ARIH1: variants seen among roughly 807,000 people sequenced by gnomAD.
ARIH1 encodes the protein E3 ubiquitin-protein ligase ARIH1.
A neutral mutation model predicts 85.0 loss-of-function variants in ARIH1; 8 were observed. The ratio of observed to expected loss-of-function variants is 0.09; its 90% CI spans 0.06 to 0.17. The LOEUF (loss-of-function observed/expected upper bound fraction) is 0.17. Ranked by LOEUF, ARIH1 falls within the 10% of genes least tolerant of loss-of-function variation. ARIH1 has a pLI of 1.00. For missense variants in ARIH1, 311 were observed against 718.1 expected, an observed-to-expected ratio of 0.43 and a Z score of 6.48; for synonymous variants, 238 against 253.6, an observed-to-expected ratio of 0.94 and a Z score of 0.59.
chr15:72,489,366 A>G (rs1175013164), intron 1 of ARIH1, among the ~76,000 whole-genome samples: 1 of 152,104 alleles, frequency 6.6e-6, no homozygotes, highest in African/African-American at 2.4e-5. Flanking sequence ...GCCTCTTAAA[A>G]TGTTCTGGCA....
intron 11 of ARIH1, among the ~76,000 whole-genome samples, chr15:72,578,832 T>TTTC (rs1555489920): frequency 6.0e-5 from 9 of 150,948 alleles, no homozygotes; most frequent in Middle Eastern, 3.4e-3. Flanking sequence ...TTTTTTTTTT[T>TTTC]CAGAGGTAGA....
chr15:72,577,080 T>A (rs1309920651), intron 11 of ARIH1, among the ~76,000 whole-genome samples: 1 of 151,996 alleles, frequency 6.6e-6, no homozygotes, highest in Non-Finnish European at 1.5e-5. Flanking sequence ...CCTCCCGAAT[T>A]CAAGCGATTC....
chr15:72,487,066 C>CTAT (rs752734642), intron 1 of ARIH1, among the ~76,000 whole-genome samples: 7 of 151,580 alleles, frequency 4.6e-5, no homozygotes, highest in African/African-American at 1.5e-4. Flanking sequence ...GAATTTTCTC[C>CTAT]TATTATTATT....
chr15:72,480,320 G>A (rs1372825390), intron 1 of ARIH1, among the ~76,000 whole-genome samples: 1 of 150,276 alleles, frequency 6.7e-6, no homozygotes, highest in African/African-American at 2.5e-5. Context: ...GGAGTGCAGT[G>A]GCCTGATCTT....
In ARIH1 at chr15:72,594,668, C is replaced by A. The variant is rs1296778104; in HGVS notation, c.*11376C>A. 1.3e-5 allele frequency: 2 copies of A among 152,048 alleles called. No homozygotes were observed. The highest frequency in any genetic ancestry group is 2.9e-5 in the Non-Finnish European group (2 of 68,014). 9.4% of individuals were successfully genotyped at this position (152,048 alleles called of 1,614,324 possible). A position where few individuals can be genotyped will look rare whatever the true frequency, so the allele number is the denominator to read the frequency against. ...GCCTGGCTGATTTTTGTATGCTGAT[C>A]TTGAATCGTGCCACCTTGCTAAATT... On this transcript the variant is annotated 3_prime_UTR_variant, in exon 14 of 14. Coordinates refer to ENST00000379887, the MANE Select transcript of ARIH1 (RefSeq NM_005744.5).
At chr15:72,500,680 A>G (rs1303119888) in intron 1 of ARIH1, among the ~76,000 whole-genome samples, 1 of 152,222 alleles carries the variant, frequency 6.6e-6, no homozygotes, top group Non-Finnish European at 1.5e-5. Flanking sequence ...CCAGATCCTC[A>G]TCTTTCACAT....
At position 72,501,202 on chromosome 15, in the gene ARIH1, G is replaced by A. The variant is rs112195610; in HGVS notation, c.376-16865G>A. Among the ~76,000 whole-genome samples, 96 of 152,142 alleles carry A rather than the reference G, an allele frequency of 6.3e-4. 2 individuals carry two copies. Among genetic ancestry groups the A allele is most frequent in the African/African-American group, 2.1e-3 (87 of 41,506 alleles). On this transcript the variant is annotated intron_variant, in intron 1 of 13. Transcript: ENST00000379887. ...ATTTTTGTCTAATTCAAGATCATTT[G>A]GATTTATGACTTTTATTAGCTTTAA...
chr15:72,537,746 C>T (rs2064089085), intron 2 of ARIH1, among the ~76,000 whole-genome samples: 1 of 151,850 alleles, frequency 6.6e-6, no homozygotes, highest in Non-Finnish European at 1.5e-5. Context: ...GTTTTGGCAC[C>T]CTGGATTTTT....
intron 1 of ARIH1, among the ~76,000 whole-genome samples, chr15:72,476,238 A>G (rs2063794595): frequency 6.6e-6 from 1 of 152,220 alleles, no homozygotes. Flanking sequence ...CTATTCAGGC[A>G]CTGTTTCAAT....
At chr15:72,567,013 T>C (rs999046624) in intron 8 of ARIH1, 93 bp from the exon 9 acceptor site, 14 of 918,294 alleles carry the variant, frequency 1.5e-5, no homozygotes, top group Admixed American at 9.5e-5. Context: ...TCATTGGCTT[T>C]TACATTTAAG....
chr15:72,487,683 C>T (rs1044417206), intron 1 of ARIH1, among the ~76,000 whole-genome samples: 1 of 151,826 alleles, frequency 6.6e-6, no homozygotes, highest in Non-Finnish European at 1.5e-5. Flanking sequence ...AAATTTGTTT[C>T]ATGTTGTTGC....
chr15:72,549,078 C>A (rs1161246228), intron 3 of ARIH1, among the ~76,000 whole-genome samples: 1 of 149,714 alleles, frequency 6.7e-6, no homozygotes, highest in Middle Eastern at 3.4e-3. Flanking sequence ...ACTACAGCGT[C>A]TCTCTCTCTC....
rs1198250398 is a variant in ARIH1, at chr15:72,591,011, C to T, written c.*7719C>T. The stretch of plus-strand genomic sequence containing the variant: ...GGCTGAGGCAGGTGGATCACGAGGT[C>T]GGGAGTTCGAGACCAGCCTGGCCAA... On this transcript the variant is annotated 3_prime_UTR_variant, in exon 14 of 14. Transcript: ENST00000379887. 2.0e-5 allele frequency: 3 copies of T among 151,850 alleles called. No homozygotes were observed. The highest frequency in any genetic ancestry group is 1.9e-4 in the East Asian group (1 of 5,188). 9.4% of individuals were successfully genotyped at this position (151,850 alleles called of 1,614,324 possible). A position where few individuals can be genotyped will look rare whatever the true frequency, so the allele number is the denominator to read the frequency against.
intron 5 of ARIH1, among the ~76,000 whole-genome samples, chr15:72,560,638 T>TA (rs1373794673): frequency 6.6e-6 from 1 of 152,156 alleles, no homozygotes; most frequent in East Asian, 1.9e-4. Flanking sequence ...GGGTGGTACT[T>TA]ACTGTTTTGA....
intron 1 of ARIH1, among the ~76,000 whole-genome samples, chr15:72,510,770 A>AAAG (rs55823112): frequency 7.8e-6 from 1 of 128,500 alleles, no homozygotes; most frequent in Non-Finnish European, 1.6e-5. Flanking sequence ...AAAAAAAAAA[A>AAAG]GACTTTTTCC....
intron 1 of ARIH1, among the ~76,000 whole-genome samples, chr15:72,493,156 C>T (rs2063866103): frequency 6.6e-6 from 1 of 152,230 alleles, no homozygotes; most frequent in Non-Finnish European, 1.5e-5. Context: ...TAGCTTTTTA[C>T]CTGAACCTAC....
intron 6 of ARIH1, among the ~76,000 whole-genome samples, chr15:72,562,967 T>C (rs544653949): frequency 1.3e-5 from 2 of 151,244 alleles, no homozygotes; most frequent in East Asian, 3.9e-4. Flanking sequence ...TAAGCTTGTG[T>C]AATTATCCCC....
Position 72,589,056 on chromosome 15 carries a change from T to G in ARIH1, c.*5764T>G, listed in dbSNP as rs191438711. The G allele has an allele frequency of 1.3e-5, 2 of 152,336 alleles. No homozygotes were observed. Among genetic ancestry groups the G allele is most frequent in the Admixed American group, 6.5e-5 (1 of 15,300 alleles). The allele number at this position is 152,336 out of a possible 1,614,324, so 9.4% of individuals were successfully genotyped here. ...AATATTGGTATTTCTCAGCCATAGA[T>G]TTCCCTTTTGTAAAATGGGAATACT... On this transcript the variant is annotated 3_prime_UTR_variant, in exon 14 of 14. Coordinates refer to ENST00000379887, the MANE Select transcript of ARIH1 (RefSeq NM_005744.5).
intron 5 of ARIH1, among the ~76,000 whole-genome samples, chr15:72,558,761 G>A (rs2064185397): frequency 6.6e-6 from 1 of 152,094 alleles, no homozygotes; most frequent in Admixed American, 6.5e-5. Flanking sequence ...ATAAACTAAG[G>A]GTGGAACCTT....
Sources: gnomAD v4.1 joint callset for allele counts (sites outside exome capture counted in the v4.1 genomes callset) on GRCh38, gnomAD v4.1.1 for gene constraint, MANE v1.5 for transcripts, NCBI Gene and HGNC (gene_info 2026-07-23, HGNC 2026-07-21) for gene names.